C3orf62: variants seen among roughly 807,000 people sequenced by gnomAD.
C3orf62 encodes the protein uncharacterized protein C3orf62.
In C3orf62, 16 loss-of-function variants were observed where a neutral mutation model predicts 21.7. The ratio of observed to expected loss-of-function variants is 0.74; its 90% CI spans 0.50 to 1.12. The LOEUF is 1.12. Ranked by LOEUF, C3orf62 falls within the 50% of genes most tolerant of loss-of-function variation. C3orf62 has a pLI of 0.00. For synonymous variants in C3orf62, 114 were observed against 117.0 expected (o/e 0.97, Z 0.17); for missense variants, 310 against 318.8 (o/e 0.97, Z 0.21).
In C3orf62 at chr3:49,270,354, CT is replaced by C. The variant is rs551648533; in HGVS notation, c.*825del. 2.9e-4 allele frequency: 44 copies of C among 151,108 alleles called. No homozygotes were observed. In the South Asian group the frequency reaches 8.7e-3, roughly 30 times the overall value. 9.4% of individuals were successfully genotyped at this position (151,108 alleles called of 1,614,324 possible). A position where few individuals can be genotyped will look rare whatever the true frequency, so the allele number is the denominator to read the frequency against. ...CCTGAGATTCAGTTTCCTTTCTTCC[CT>C]TTTTTTTTCTTTTTTTTTTTGAGAC... On this transcript the variant is annotated 3_prime_UTR_variant, in exon 3 of 3. Coordinates refer to ENST00000343010, the MANE Select transcript of C3orf62 (RefSeq NM_198562.3).
intron 2 of C3orf62, among the ~76,000 whole-genome samples, chr3:49,272,879 C>T (rs2046923627): frequency 6.6e-6 from 1 of 151,906 alleles, no homozygotes; most frequent in Non-Finnish European, 1.5e-5. Context: ...TAATTACTGA[C>T]CCCAGCTAAA....
intron 1 of C3orf62, 120 bp from the exon 2 acceptor site, chr3:49,274,260 C>A: frequency 1.4e-6 from 1 of 710,384 alleles, no homozygotes; most frequent in Non-Finnish European, 2.4e-6. Flanking sequence ...GTGACCTTGT[C>A]ATTTATGCTT....
Position 49,271,070 on chromosome 3 carries a change from G to T in C3orf62, c.*110C>A. ...ATTTAAAAAGGGTCTGGTAATTCAG[G>T]TTCTGCCAACCTTTTGAGAAATGTG... On this transcript the variant is annotated 3_prime_UTR_variant, in exon 3 of 3. Coordinates refer to ENST00000343010, the MANE Select transcript of C3orf62 (RefSeq NM_198562.3). 1.8e-6 allele frequency: 2 copies of T among 1,129,706 alleles called. No homozygotes were observed. Among genetic ancestry groups the T allele is most frequent in the Non-Finnish European group, 2.5e-6 (2 of 792,984 alleles). 70.0% of individuals were successfully genotyped at this position (1,129,706 alleles called of 1,614,324 possible). A position where few individuals can be genotyped will look rare whatever the true frequency, so the allele number is the denominator to read the frequency against.
chr3:49,271,575 A>G, intron 2 of C3orf62, 130 bp from the exon 3 acceptor site: 1 of 1,188,900 alleles, frequency 8.4e-7, no homozygotes, highest in African/African-American at 1.5e-5. Context: ...TTCCTGCCCC[A>G]GGACAGGCAG....
In C3orf62 at chr3:49,277,052, A is replaced by G; in HGVS notation, c.-180T>C. ...AACCCGCCATCTGCCAGAAGCCCCA[A>G]AGACGCCCCGCCCCACTTCCCACAG... is the stretch of plus-strand genomic sequence containing the variant. On this transcript the variant is annotated 5_prime_UTR_variant, in exon 1 of 3. Transcript: ENST00000343010. 1 of 1,473,500 alleles carries G rather than the reference A, an allele frequency of 6.8e-7. No homozygotes were observed. Among genetic ancestry groups the G allele is most frequent in the Non-Finnish European group, 9.0e-7 (1 of 1,115,386 alleles). The allele number at this position is 1,473,500 out of a possible 1,614,324, so 91.3% of individuals were successfully genotyped here. A position where few individuals can be genotyped will look rare whatever the true frequency, so the allele number is the denominator to read the frequency against.
At position 49,276,666 on chromosome 3, in the gene C3orf62, A is replaced by G; in HGVS notation, c.207T>C (p.Pro69=). 6.2e-7 allele frequency: 1 copy of G among 1,614,210 alleles called. No homozygotes were observed. The highest frequency in any genetic ancestry group is 8.5e-7 in the Non-Finnish European group (1 of 1,180,048). ...PVHRLLCRRH[P]LAACSSAAPF... Reference sequence around the variant, plus strand: ...GAGCAGCAGAAGAGCAGGCTGCCAGAGGATGTCTTCTGCAGAGGAGCCTGT... The same window carrying G: ...GAGCAGCAGAAGAGCAGGCTGCCAGGGGATGTCTTCTGCAGAGGAGCCTGT... The change falls in exon 1 of 3, where the codon CCT becomes CCC. Residue 69 remains proline, a synonymous_variant. Coordinates refer to ENST00000343010, the MANE Select transcript of C3orf62 (RefSeq NM_198562.3).
At chr3:49,272,410 T>C (rs1317487395) in intron 2 of C3orf62, among the ~76,000 whole-genome samples, 1 of 151,954 alleles carries the variant, frequency 6.6e-6, no homozygotes, top group African/African-American at 2.4e-5. Context: ...ATACAGGACA[T>C]TCAGATTTGT....
Position 49,276,692 on chromosome 3 carries a change from G to C in C3orf62, c.181C>G (p.His61Asp). The C allele has an allele frequency of 6.2e-7, 1 of 1,614,222 alleles. No individual in the cohort carries two copies. ...GGATGTCTTCTGCAGAGGAGCCTGT[G>C]CACGGGCAGCGAGAAGGAGAGCGGC... ...AAPLSFSLPV[H>D]RLLCRRHPLA... The change falls in exon 1 of 3, where the codon CAC (histidine) becomes GAC (aspartate). Residue 61 changes from histidine (H) to aspartate (D), a missense_variant. By Grantham distance (81) the His-to-Asp change is moderately conservative (BLOSUM62 -1). Transcript: ENST00000343010.
chr3:49,273,472 G>A (rs190451576), intron 2 of C3orf62, among the ~76,000 whole-genome samples: 2 of 151,922 alleles, frequency 1.3e-5, no homozygotes, highest in East Asian at 1.9e-4. Context: ...ATGAGGTCTC[G>A]CACAGTTGCC....
Position 49,277,222 on chromosome 3 carries a change from C to G in C3orf62, c.-350G>C. 7.5e-7 allele frequency: 1 copy of G among 1,324,566 alleles called. No homozygotes were observed. 82.1% of individuals were successfully genotyped at this position (1,324,566 alleles called of 1,614,324 possible). A position where few individuals can be genotyped will look rare whatever the true frequency, so the allele number is the denominator to read the frequency against. The stretch of plus-strand genomic sequence containing the variant: ...TGACGCCGACCCATCCAACGGTCAT[C>G]GCATGCGCGTGCCCCGCGCAGGCCC... On this transcript the variant is annotated 5_prime_UTR_variant, in exon 1 of 3. Coordinates refer to ENST00000343010, the MANE Select transcript of C3orf62 (RefSeq NM_198562.3).
chr3:49,276,021 C>T (rs2046956107), intron 1 of C3orf62, among the ~76,000 whole-genome samples: 1 of 152,064 alleles, frequency 6.6e-6, no homozygotes, highest in African/African-American at 2.4e-5. Flanking sequence ...TAAGCCTCTC[C>T]CTAATGTGGG....
intron 2 of C3orf62, among the ~76,000 whole-genome samples, chr3:49,271,753 A>C (rs1031477749): frequency 6.6e-6 from 1 of 152,046 alleles, no homozygotes; most frequent in African/African-American, 2.4e-5. Flanking sequence ...TGTGAAAAAA[A>C]AACAAGGAAA....
rs924828022 is a variant in C3orf62, at chr3:49,268,932, A to C, written c.*2248T>G. 2.0e-5 allele frequency: 3 copies of C among 151,994 alleles called. No individual in the cohort carries two copies. Among genetic ancestry groups the C allele is most frequent in the Non-Finnish European group, 4.4e-5 (3 of 68,002 alleles). The allele number at this position is 151,994 out of a possible 1,614,324, so 9.4% of individuals were successfully genotyped here. ...AAGGCACATGCCATGATGCCTGGCT[A>C]ATTTTTGTATTTTTAGCAGAGATGG... On this transcript the variant is annotated 3_prime_UTR_variant, in exon 3 of 3. Transcript: ENST00000343010.
chr3:49,275,118 A>ATTT (rs34827861), intron 1 of C3orf62, among the ~76,000 whole-genome samples: 1 of 141,882 alleles, frequency 7.0e-6, no homozygotes, highest in African/African-American at 2.6e-5. Flanking sequence ...TGTGCCCAGC[A>ATTT]TTTTTTTTTT....
intron 1 of C3orf62, among the ~76,000 whole-genome samples, chr3:49,275,097 G>A (rs1394015288): frequency 6.6e-6 from 1 of 151,784 alleles, no homozygotes; most frequent in Non-Finnish European, 1.5e-5. Flanking sequence ...TGGGATTCAG[G>A]CGTGAGCCAC....
In C3orf62 at chr3:49,276,886, G is replaced by C. The variant is rs971633410; in HGVS notation, c.-14C>G. 1.3e-6 allele frequency: 2 copies of C among 1,598,774 alleles called. No individual in the cohort carries two copies. Among genetic ancestry groups the C allele is most frequent in the African/African-American group, 2.7e-5 (2 of 74,266 alleles). On this transcript the variant is annotated 5_prime_UTR_variant, in exon 1 of 3. Coordinates refer to ENST00000343010, the MANE Select transcript of C3orf62 (RefSeq NM_198562.3). ...TATGTAATGCATTGGAAATGCACAG[G>C]ACAACACAATAATGTTACAAATGAG...
At position 49,277,148 on chromosome 3, in the gene C3orf62, C is replaced by T. The variant is rs577282220; in HGVS notation, c.-276G>A. 5.8e-3 allele frequency: 8,414 copies of T among 1,440,208 alleles called. 24 individuals are homozygous for T. Among genetic ancestry groups the T allele is most frequent in the Non-Finnish European group, 7.2e-3 (7,771 of 1,085,352 alleles). 89.2% of individuals were successfully genotyped at this position (1,440,208 alleles called of 1,614,324 possible). ...CAGGCCGCTGGCCCTACCGGCACCC[C>T]CCCTTTGGCGAGTCGGCAGCCACGT... is the stretch of plus-strand genomic sequence containing the variant. On this transcript the variant is annotated 5_prime_UTR_variant, in exon 1 of 3. Transcript: ENST00000343010.
Position 49,277,055 on chromosome 3 carries a change from A to G in C3orf62, c.-183T>C. The G allele has an allele frequency of 1.4e-6, 2 of 1,473,194 alleles. No homozygotes were observed. The highest frequency in any genetic ancestry group is 1.8e-6 in the Non-Finnish European group (2 of 1,115,056). The allele number at this position is 1,473,194 out of a possible 1,614,324, so 91.3% of individuals were successfully genotyped here. ...CCGCCATCTGCCAGAAGCCCCAAAG[A>G]CGCCCCGCCCCACTTCCCACAGCTT... is the stretch of plus-strand genomic sequence containing the variant. On this transcript the variant is annotated 5_prime_UTR_variant, in exon 1 of 3. Coordinates refer to ENST00000343010, the MANE Select transcript of C3orf62 (RefSeq NM_198562.3).
intron 2 of C3orf62, 59 bp from the exon 3 acceptor site, chr3:49,271,504 A>T: frequency 6.4e-7 from 1 of 1,556,928 alleles, no homozygotes; most frequent in Non-Finnish European, 8.7e-7. Flanking sequence ...AAGACATTTC[A>T]GGTGCAAGTT....
Sources: allele counts gnomAD v4.1 joint callset (sites outside exome capture counted in the v4.1 genomes callset), GRCh38; gene constraint gnomAD v4.1.1; transcripts MANE v1.5; gene names NCBI Gene and HGNC (gene_info 2026-07-23, HGNC 2026-07-21).